RNF157: variants seen among roughly 807,000 people sequenced by gnomAD.
The protein encoded by RNF157 is ring finger protein 157, also known as E3 ubiquitin ligase RNF157.
In RNF157, 55 loss-of-function variants were observed where a neutral mutation model predicts 88.3. The ratio of observed to expected loss-of-function variants is 0.62; its 90% CI spans 0.50 to 0.78. RNF157 has a LOEUF of 0.78. Among genes scored for constraint, RNF157 ranks in the 30% least tolerant of loss-of-function variants. The pLI is 0.00. For synonymous variants in RNF157, 334 were observed against 341.2 expected (o/e 0.98, Z 0.23); for missense variants, 788 against 860.8 (o/e 0.92, Z 1.06).
chr17:76,202,988 A>G (rs568552196), intron 2 of RNF157, among the ~76,000 whole-genome samples: 1 of 152,230 alleles, frequency 6.6e-6, no homozygotes, highest in South Asian at 2.1e-4. Context: ...TGCAAATTAG[A>G]TTGTAATAGT....
At chr17:76,229,181 T>C (rs1431616302) in intron 1 of RNF157, among the ~76,000 whole-genome samples, 2 of 152,206 alleles carry the variant, frequency 1.3e-5, no homozygotes, top group African/African-American at 2.4e-5. Flanking sequence ...GTGTCTCTTC[T>C]GCCTCTCACT....
At chr17:76,169,820 A>G (rs2144866810) in intron 3 of RNF157, among the ~76,000 whole-genome samples, 1 of 152,074 alleles carries the variant, frequency 6.6e-6, no homozygotes, top group South Asian at 2.1e-4. Context: ...ACCTCAAGTG[A>G]TCCACCCGCC....
chr17:76,182,409 T>C (rs774602442), intron 2 of RNF157, among the ~76,000 whole-genome samples: 12 of 151,208 alleles, frequency 7.9e-5, no homozygotes, highest in Non-Finnish European at 1.5e-4. Flanking sequence ...GCCAGAAGGG[T>C]GCACGTGCAT....
intron 1 of RNF157, among the ~76,000 whole-genome samples, chr17:76,231,883 C>T (rs983279450): frequency 2.6e-5 from 4 of 152,182 alleles, no homozygotes; most frequent in Admixed American, 2.0e-4. Context: ...TTCCATCATG[C>T]CCATTTACAG....
chr17:76,227,613 C>G (rs1409287856), intron 1 of RNF157, among the ~76,000 whole-genome samples: 1 of 151,934 alleles, frequency 6.6e-6, no homozygotes, highest in East Asian at 1.9e-4. Context: ...CATGGTGGCT[C>G]ACGCCTGTAA....
intron 1 of RNF157, among the ~76,000 whole-genome samples, chr17:76,227,372 C>T (rs551856933): frequency 1.6e-4 from 24 of 151,600 alleles, no homozygotes; most frequent in African/African-American, 5.3e-4. Context: ...CCGCCCACCT[C>T]AGCTTCCCAA....
chr17:76,220,538 G>T (rs1313500549), intron 1 of RNF157, among the ~76,000 whole-genome samples: 1 of 152,110 alleles, frequency 6.6e-6, no homozygotes, highest in Admixed American at 6.6e-5. Flanking sequence ...TAATAGATGA[G>T]GGGAGGCCGG....
intron 6 of RNF157, among the ~76,000 whole-genome samples, 195 bp from the exon 7 acceptor site, chr17:76,165,740 T>C (rs1180289500): frequency 6.6e-6 from 1 of 151,936 alleles, no homozygotes; most frequent in Non-Finnish European, 1.5e-5. Context: ...TGCGGTGGCA[T>C]GATCTTGGCT....
chr17:76,232,879 G>C (rs969293762), intron 1 of RNF157, among the ~76,000 whole-genome samples: 2 of 151,922 alleles, frequency 1.3e-5, no homozygotes, highest in African/African-American at 4.8e-5. Context: ...GTGTTCATCA[G>C]CCATTCCTAC....
intron 2 of RNF157, among the ~76,000 whole-genome samples, chr17:76,187,416 C>T (rs750294951): frequency 6.6e-6 from 1 of 151,886 alleles, no homozygotes. Context: ...GAACTCCTGA[C>T]CTTGTGATCC....
At chr17:76,216,938 C>A (rs945382429) in intron 1 of RNF157, among the ~76,000 whole-genome samples, 28 of 151,768 alleles carry the variant, frequency 1.8e-4, no homozygotes, top group African/African-American at 5.6e-4. Flanking sequence ...AAACAAAAAA[C>A]CCCATAAAAG....
intron 1 of RNF157, among the ~76,000 whole-genome samples, chr17:76,236,995 G>A (rs568550994): frequency 5.9e-5 from 9 of 152,256 alleles, no homozygotes; most frequent in Non-Finnish European, 1.2e-4. Flanking sequence ...CCAGGTGGAT[G>A]GACAACAGCG....
intron 1 of RNF157, chr17:76,226,380 G>A: frequency 6.3e-7 from 1 of 1,593,248 alleles, no homozygotes; most frequent in Non-Finnish European, 8.6e-7. Flanking sequence ...TCTGGGAGAT[G>A]GCCAATTGGG....
chr17:76,218,285 T>C (rs2069924394), intron 1 of RNF157, among the ~76,000 whole-genome samples: 1 of 151,818 alleles, frequency 6.6e-6, no homozygotes, highest in Admixed American at 6.6e-5. Flanking sequence ...GACAAGGGAG[T>C]AACATTCTAA....
rs116533079 is a variant in RNF157 at position 76,177,145 on chromosome 17, C to T, written c.208-3355G>A. On this transcript the variant is annotated intron_variant, in intron 2 of 18. Transcript: ENST00000269391. ...TGGACACTGGCCCCGGCCCTGGCCC[C>T]GGCCCAGTGAGGACCTGGAGCCCCT... 2.1e-3 allele frequency among the ~76,000 whole-genome samples: 314 copies of T among 152,096 alleles called. 1 individual carries two copies. The highest frequency in any genetic ancestry group is 7.4e-3 in the African/African-American group (308 of 41,454).
chr17:76,209,723 A>G (rs962116719), intron 2 of RNF157, among the ~76,000 whole-genome samples: 4 of 152,286 alleles, frequency 2.6e-5, no homozygotes, highest in African/African-American at 4.8e-5. Flanking sequence ...GCAAACATCA[A>G]GTCCATGTTA....
At chr17:76,188,913 T>C (rs1299833511) in intron 2 of RNF157, among the ~76,000 whole-genome samples, 3 of 152,198 alleles carry the variant, frequency 2.0e-5, no homozygotes, top group African/African-American at 7.2e-5. Flanking sequence ...TGCAACTACA[T>C]CTGTGGTTTT....
At chr17:76,175,747 C>A (rs755679066) in intron 2 of RNF157, 55 of 984,686 alleles carry the variant, frequency 5.6e-5, no homozygotes, top group Non-Finnish European at 6.1e-5. Flanking sequence ...ATAACTCCTA[C>A]CTGCATTTCA....
At chr17:76,164,627 G>A in intron 8 of RNF157, 121 bp downstream of exon 8, 7 of 514,730 alleles carry the variant, frequency 1.4e-5, no homozygotes, top group South Asian at 4.3e-5. Context: ...AAAAAAAAGA[G>A]GAAAAGGAGA....
Sources: gnomAD v4.1 joint callset for allele counts (sites outside exome capture counted in the v4.1 genomes callset) on GRCh38, gnomAD v4.1.1 for gene constraint, MANE v1.5 for transcripts, NCBI Gene and HGNC (gene_info 2026-07-23, HGNC 2026-07-21) for gene names.